Variants in MOBP observed in about 807,000 individuals in gnomAD.
The protein encoded by MOBP is myelin associated oligodendrocyte basic protein.
In MOBP, 5 loss-of-function variants were observed where a neutral mutation model predicts 15.0. The ratio of observed to expected loss-of-function variants is 0.33; its 90% CI spans 0.17 to 0.70. The LOEUF (loss-of-function observed/expected upper bound fraction) is 0.70. Among genes scored for constraint, MOBP ranks in the 30% least tolerant of loss-of-function variants. The pLI is 0.67. For missense variants in MOBP, 188 were observed against 257.8 expected (o/e 0.73, Z 1.85); for synonymous variants, 88 against 99.0 (o/e 0.89, Z 0.66).
intron 2 of MOBP, among the ~76,000 whole-genome samples, chr3:39,485,944 A>T (rs563475360): frequency 0.041 from 3,581 of 86,674 alleles, 139 homozygotes; most frequent in African/African-American, 0.23. Flanking sequence ...CTACTTTTTA[A>T]AAAAATGTAT....
chr3:39,470,864 G>GAACTTA (rs1376763363), intron 1 of MOBP, among the ~76,000 whole-genome samples: 1 of 152,150 alleles, frequency 6.6e-6, no homozygotes, highest in Non-Finnish European at 1.5e-5. Flanking sequence ...TTATTCACTA[G>GAACTTA]TTCCTTATGA....
rs1200201280 is a variant in MOBP at position 39,502,411 on chromosome 3, C to T, written c.207-124C>T. Reference sequence around the variant, plus strand: ...TAGGCTCCGACACCGGAAGGCACTCCAGGGAGACTGGAAGGTGGGTGGGGG... The same window carrying T: ...TAGGCTCCGACACCGGAAGGCACTCTAGGGAGACTGGAAGGTGGGTGGGGG... On this transcript the variant is annotated intron_variant, in intron 3 of 3. Transcript: ENST00000684792. This position sits in a 1 kb window ranked among gnomAD's most constrained non-coding sequence, Gnocchi z 6.3. 3 of 1,526,714 alleles carry T rather than the reference C, an allele frequency of 2.0e-6. No individual in the cohort carries two copies. Among genetic ancestry groups the T allele is most frequent in the Non-Finnish European group, 2.6e-6 (3 of 1,141,316 alleles). 94.6% of individuals were successfully genotyped at this position (1,526,714 alleles called of 1,614,324 possible).
intron 2 of MOBP, among the ~76,000 whole-genome samples, chr3:39,482,374 G>A (rs1001575969): frequency 1.3e-5 from 2 of 152,030 alleles, no homozygotes; most frequent in Non-Finnish European, 2.9e-5. Context: ...CCTCTGGGTC[G>A]GGCACGGTGG....
intron 2 of MOBP, among the ~76,000 whole-genome samples, chr3:39,495,506 G>A (rs899968044): frequency 4.0e-5 from 6 of 151,718 alleles, no homozygotes; most frequent in African/African-American, 9.7e-5. Flanking sequence ...TAGGCCAGGC[G>A]TGGTGGCTCA....
chr3:39,497,775 G>C (rs1575306953), intron 2 of MOBP, among the ~76,000 whole-genome samples: 1 of 152,346 alleles, frequency 6.6e-6, no homozygotes, highest in East Asian at 1.9e-4. Flanking sequence ...CAATTTAACA[G>C]AGTTTAATTC....
chr3:39,510,527 T>G (rs1291831264), intron 4 of MOBP, among the ~76,000 whole-genome samples: 2 of 152,208 alleles, frequency 1.3e-5, no homozygotes, highest in Non-Finnish European at 2.9e-5. Context: ...GCACATATTT[T>G]GTTTGGTTTG....
downstream of MOBP, among the ~76,000 whole-genome samples, chr3:39,520,377 A>G (rs1394283857): frequency 1.3e-5 from 2 of 152,208 alleles, no homozygotes; most frequent in African/African-American, 2.4e-5. Flanking sequence ...TAAGTCTTCA[A>G]AAGTCCTCAG....
At chr3:39,497,888 G>C (rs1253190143) in intron 2 of MOBP, among the ~76,000 whole-genome samples, 1 of 152,170 alleles carries the variant, frequency 6.6e-6, no homozygotes, top group Non-Finnish European at 1.5e-5. Context: ...GACAGAGAAA[G>C]GAAAGTGACA....
rs1461276367 is a variant in MOBP, at chr3:39,502,780, G to A, written c.452G>A (p.Arg151His). ...GTCCGACCACCGCCAGCCAAGCAGCGTCCCCCTCAGAAGTCCAAGCAACAG... is the reference window on the plus strand; with the variant it reads ...GTCCGACCACCGCCAGCCAAGCAGCATCCCCCTCAGAAGTCCAAGCAACAG... ...PEVRPPPAKQRPPQKSKQQPR... is the reference protein window; with the variant it reads ...PEVRPPPAKQHPPQKSKQQPR... Residue 151 changes from arginine (R) to histidine (H), a missense_variant, in exon 4 of 4, where the codon CGT becomes CAT. By Grantham distance (29) the Arg-to-His change is conservative (BLOSUM62 0). This residue lies in a region of MOBP where 133 missense variants were observed against 212.5 expected (regional missense o/e 0.63). Transcript: ENST00000684792. This position sits in a 1 kb window ranked among gnomAD's most constrained non-coding sequence, Gnocchi z 6.3. The A allele has an allele frequency of 1.3e-6, 2 of 1,535,642 alleles. No individual in the cohort carries two copies. Among genetic ancestry groups the A allele is most frequent in the South Asian group, 1.2e-5 (1 of 83,970 alleles).
chr3:39,509,645 A>G (rs2043094450), intron 4 of MOBP, among the ~76,000 whole-genome samples: 1 of 152,220 alleles, frequency 6.6e-6, no homozygotes, highest in Non-Finnish European at 1.5e-5. Flanking sequence ...CATTTTCTCC[A>G]GGTCTGTGAC....
intron 2 of MOBP, among the ~76,000 whole-genome samples, chr3:39,491,184 T>C (rs571522253): frequency 1.3e-5 from 2 of 152,338 alleles, no homozygotes; most frequent in East Asian, 3.9e-4. Flanking sequence ...GTCGCAGTGA[T>C]GTCATCCTCT....
chr3:39,515,097 G>C (rs1486859954), exon 5 of MOBP: 1 of 152,200 alleles, frequency 6.6e-6, no homozygotes, highest in Non-Finnish European at 1.5e-5. Context: ...ACTTCTCCAA[G>C]TCCCTGAGGA....
intron 2 of MOBP, among the ~76,000 whole-genome samples, chr3:39,494,795 C>CG (rs545973334): frequency 9.0e-6 from 1 of 110,560 alleles, no homozygotes. Context: ...CCCCCCCGCC[C>CG]CCCGAGTTAC....
chr3:39,527,055 G>C (rs528640818), downstream of MOBP: 1 of 152,268 alleles, frequency 6.6e-6, no homozygotes, highest in East Asian at 1.9e-4. Flanking sequence ...GAGATTACAG[G>C]CATGAGCCAC....
At chr3:39,522,655 A>G (rs2043284092) in intron 3 of MOBP, among the ~76,000 whole-genome samples, 1 of 152,246 alleles carries the variant, frequency 6.6e-6, no homozygotes. Context: ...TTTAAAAAAG[A>G]TAATTATAAT....
chr3:39,497,538 G>A (rs966671012), intron 2 of MOBP, among the ~76,000 whole-genome samples: 1 of 152,202 alleles, frequency 6.6e-6, no homozygotes, highest in Non-Finnish European at 1.5e-5. Context: ...AAGTGCTTGG[G>A]ATGCTGGAGT....
intron 2 of MOBP, among the ~76,000 whole-genome samples, chr3:39,480,769 T>C (rs1027193620): frequency 6.6e-6 from 1 of 152,216 alleles, no homozygotes; most frequent in African/African-American, 2.4e-5. Context: ...GACTTTACTA[T>C]TTACTTGAAT....
At chr3:39,485,985 C>T (rs1250604103) in intron 2 of MOBP, among the ~76,000 whole-genome samples, 1 of 152,160 alleles carries the variant, frequency 6.6e-6, no homozygotes, top group Non-Finnish European at 1.5e-5. Flanking sequence ...ATCCTGGTTA[C>T]TAAAACTTCA....
chr3:39,487,352 A>T (rs2042726844), intron 2 of MOBP, among the ~76,000 whole-genome samples: 1 of 152,088 alleles, frequency 6.6e-6, no homozygotes, highest in Admixed American at 6.6e-5. Context: ...CATCCCTATC[A>T]TATATCAAGT....
Sources: allele counts gnomAD v4.1 joint callset (sites outside exome capture counted in the v4.1 genomes callset), GRCh38; gene constraint gnomAD v4.1.1; regional missense constraint gnomAD v4.1.1; non-coding constraint Gnocchi (gnomAD v3.1); transcripts MANE v1.5; gene names NCBI Gene and HGNC (gene_info 2026-07-23, HGNC 2026-07-21).